Variants in RPP21 observed in about 807,000 individuals in gnomAD.
The protein encoded by RPP21 is ribonuclease P protein subunit p21.
RPP21 carries 21 observed loss-of-function variants against 19.0 expected under a neutral mutation model. That is an observed-to-expected ratio of 1.11 (90% CI 0.78 to 1.59). RPP21 has a LOEUF of 1.59. RPP21 is among the 40% of genes most tolerant of loss of function. The pLI is 0.00. For synonymous variants in RPP21, 93 were observed against 78.7 expected, an observed-to-expected ratio of 1.18 and a Z score of -0.96; for missense variants, 215 against 200.2, an observed-to-expected ratio of 1.07 and a Z score of -0.45.
At position 30,346,798 on chromosome 6, in the gene RPP21, C is replaced by A; in HGVS notation, c.453C>A (p.Ser151=). 6.2e-7 allele frequency: 1 copy of A among 1,613,152 alleles called. No individual in the cohort carries two copies. The highest frequency in any genetic ancestry group is 8.5e-7 in the Non-Finnish European group (1 of 1,180,030). Residue 151 remains serine, a synonymous_variant, in exon 5 of 5, where the codon TCC becomes TCA. Transcript: ENST00000442966. This position sits in a 1 kb window ranked among gnomAD's most constrained non-coding sequence, Gnocchi z 4.7. ...LPEEKMQTQG[S]SNQ is the part of the protein sequence containing the mutation. ...AGGAGAAAATGCAGACTCAGGGTTC[C>A]AGTAACCAGTGATGGATTCACCCCA...
Position 30,345,678 on chromosome 6 carries a change from A to G in RPP21, c.241+105A>G, listed in dbSNP as rs2127423262. The G allele has an allele frequency of 2.3e-6, 3 of 1,278,130 alleles. No homozygotes were observed. The South Asian group carries it at 4.6e-5, about 20-fold the overall frequency. 79.2% of individuals were successfully genotyped at this position (1,278,130 alleles called of 1,614,324 possible). On this transcript the variant is annotated intron_variant, in intron 3 of 4. Transcript: ENST00000442966. ...GCCAACAGCGCCTTTCTCACTGTAG[A>G]TGGATGTTGGGTGTGGGATTCGCAG...
chr6:30,346,429 T>A lies in RPP21; in HGVS notation c.242-3T>A, dbSNP rs374760175. ...GACAGTCTTTTTCCCATGTTCACCC[T>A]AGGCTGCAGGGGACAGCGCTGGACC... On this transcript the variant is annotated splice_polypyrimidine_tract_variant and splice_region_variant and intron_variant, in intron 3 of 4. Transcript: ENST00000442966. This position sits in a 1 kb window ranked among gnomAD's most constrained non-coding sequence, Gnocchi z 4.7. 204 of 1,613,090 alleles carry A rather than the reference T, an allele frequency of 1.3e-4. No homozygotes were observed. Among genetic ancestry groups the A allele is most frequent in the Non-Finnish European group, 1.5e-4 (179 of 1,179,348 alleles).
Position 30,346,272 on chromosome 6 carries a change from G to A in RPP21, c.242-160G>A, listed in dbSNP as rs149436876. ...TTATCTTAAAGAGTTCCAGGAAATC[G>A]ATGGAGCTTATGCCGAGGCCTGACA... On this transcript the variant is annotated intron_variant, in intron 3 of 4. Transcript: ENST00000442966. This position sits in a 1 kb window ranked among gnomAD's most constrained non-coding sequence, Gnocchi z 4.7. 1.5e-3 allele frequency: 1,908 copies of A among 1,242,120 alleles called. 18 individuals are homozygous for A. The African/African-American group carries it at 0.019, about 13-fold the overall frequency. 76.9% of individuals were successfully genotyped at this position (1,242,120 alleles called of 1,614,324 possible). A position where few individuals can be genotyped will look rare whatever the true frequency, so the allele number is the denominator to read the frequency against.
chr6:30,345,606 A>G (rs1374047989), intron 3 of RPP21, 33 bp downstream of exon 3: 26 of 784,628 alleles, frequency 3.3e-5, no homozygotes, highest in Non-Finnish European at 3.9e-5. Flanking sequence ...AAGACTGCGG[A>G]GCATTGGGGG....
chr6:30,346,271 C>A lies in RPP21; in HGVS notation c.242-161C>A. 8.2e-7 allele frequency: 1 copy of A among 1,224,852 alleles called. No homozygotes were observed. The highest frequency in any genetic ancestry group is 1.1e-6 in the Non-Finnish European group (1 of 895,358). The allele number at this position is 1,224,852 out of a possible 1,614,324, so 75.9% of individuals were successfully genotyped here. On this transcript the variant is annotated intron_variant, in intron 3 of 4. Coordinates refer to ENST00000442966, the MANE Select transcript of RPP21 (RefSeq NM_024839.4). The surrounding 1 kb of genome is among the most constrained non-coding windows in gnomAD (Gnocchi z 4.7). ...TTTATCTTAAAGAGTTCCAGGAAAT[C>A]GATGGAGCTTATGCCGAGGCCTGAC...
Position 30,345,200 on chromosome 6 carries a change from C to T in RPP21, c.29C>T (p.Ala10Val), listed in dbSNP as rs781466664. ...GCGGGGCCGGTGAAGGACCGCGAGG[C>T]CTTCCAGAGGCTCAACTTCCTGTAC... MAGPVKDRE[A>V]FQRLNFLYQA... The change falls in exon 1 of 5, where the codon GCC (alanine) becomes GTC (valine). Residue 10 changes from alanine to valine, a missense_variant. By Grantham distance (64) the Ala-to-Val change is moderately conservative. Coordinates refer to ENST00000442966, the MANE Select transcript of RPP21 (RefSeq NM_024839.4). The T allele has an allele frequency of 2.5e-6, 4 of 1,582,890 alleles. No individual in the cohort carries two copies. Among genetic ancestry groups the T allele is most frequent in the African/African-American group, 2.7e-5 (2 of 74,640 alleles).
At position 30,345,162 on chromosome 6, in the gene RPP21, C is replaced by A. The variant is rs767491587; in HGVS notation, c.-10C>A. On this transcript the variant is annotated 5_prime_UTR_variant, in exon 1 of 5. Coordinates refer to ENST00000442966, the MANE Select transcript of RPP21 (RefSeq NM_024839.4). ...GGTGGGGCTGCGGGAGGCCCTGGAGCGCGGCGGTGATGGCGGGGCCGGTGA... is the reference window on the plus strand; with the variant it reads ...GGTGGGGCTGCGGGAGGCCCTGGAGAGCGGCGGTGATGGCGGGGCCGGTGA... 2 of 1,556,970 alleles carry A rather than the reference C, an allele frequency of 1.3e-6. No homozygotes were observed. Among genetic ancestry groups the A allele is most frequent in the African/African-American group, 1.3e-5 (1 of 74,184 alleles).
Sources: gnomAD v4.1 joint callset for allele counts on GRCh38, gnomAD v4.1.1 for gene constraint, Gnocchi (gnomAD v3.1) non-coding constraint, MANE v1.5 for transcripts, NCBI Gene and HGNC (gene_info 2026-07-23, HGNC 2026-07-21) for gene names.